The following SVIL variants were observed in gnomAD, a reference collection of about 807,000 sequenced individuals.
SVIL encodes the protein supervillin, also known as archvillin.
A neutral mutation model predicts 240.4 loss-of-function variants in SVIL; 101 were observed. The observed-to-expected ratio is 0.42, with a 90% CI of 0.36 to 0.50. SVIL has a LOEUF of 0.50. SVIL is among the 20% of genes least tolerant of loss of function. SVIL has a pLI of 0.01. For synonymous variants in SVIL, 999 were observed against 1,100.0 expected, an observed-to-expected ratio of 0.91 and a Z score of 1.82; for missense variants, 2,512 against 2,818.7, an observed-to-expected ratio of 0.89 and a Z score of 2.46.
intron 1 of SVIL, chr10:29,576,088 T>C: frequency 4.1e-6 from 4 of 985,274 alleles, no homozygotes; most frequent in Non-Finnish European, 4.8e-6. Context: ...ATGAGCAATC[T>C]GGTACCTGAC....
intron 1 of SVIL, among the ~76,000 whole-genome samples, chr10:29,690,315 T>C (rs1045715508): frequency 6.6e-6 from 1 of 152,190 alleles, no homozygotes; most frequent in African/African-American, 2.4e-5. Context: ...CAGTTAATTT[T>C]TTTCATGATA....
chr10:29,504,651 T>C (rs1446387915), intron 17 of SVIL, among the ~76,000 whole-genome samples: 1 of 152,206 alleles, frequency 6.6e-6, no homozygotes, highest in Non-Finnish European at 1.5e-5. Flanking sequence ...AAGGTGACAT[T>C]ATTACACATC....
At chr10:29,527,419 A>G (rs1364973651) in intron 12 of SVIL, among the ~76,000 whole-genome samples, 2 of 152,020 alleles carry the variant, frequency 1.3e-5, no homozygotes, top group Non-Finnish European at 2.9e-5. Context: ...TTTCCAATCT[A>G]ATTTTTTTCT....
rs895806831 is a variant in SVIL, at chr10:29,530,580, C to G, written c.2106+27G>C. 1.1e-5 allele frequency: 18 copies of G among 1,613,796 alleles called. No individual in the cohort carries two copies. The East Asian group carries it at 4.0e-4, about 36-fold the overall frequency. ...GGATTACTGCACCCAGTAGGGATCT[C>G]TATTCAAGCACGTCAGCACAGCTTA... On this transcript the variant is annotated intron_variant, in intron 11 of 37. Transcript: ENST00000355867.
chr10:29,662,690 T>C (rs1480225276), intron 2 of SVIL, among the ~76,000 whole-genome samples: 1 of 152,148 alleles, frequency 6.6e-6, no homozygotes, highest in Non-Finnish European at 1.5e-5. Context: ...GACTGTCACA[T>C]GTGTGAGGCA....
chr10:29,553,688 A>G (rs1418612357), intron 5 of SVIL, among the ~76,000 whole-genome samples: 1 of 152,224 alleles, frequency 6.6e-6, no homozygotes, highest in East Asian at 1.9e-4. Context: ...CTCCTCTCCT[A>G]AGGTCAAGTT....
chr10:29,686,658 G>A (rs538397571), intron 1 of SVIL: 4 of 152,258 alleles, frequency 2.6e-5, no homozygotes, highest in African/African-American at 7.2e-5. Flanking sequence ...GAATCTGGGG[G>A]AGAAAAGTTT....
In SVIL at chr10:29,590,253, A is replaced by G. The variant is rs577745332; in HGVS notation, c.-200-20941T>C. Reference sequence around the variant, plus strand: ...TGGGACTCTCTCCTTAATAATAAAGATATTACCAGACCTCCTGTCCCGTGG... The same window carrying G: ...TGGGACTCTCTCCTTAATAATAAAGGTATTACCAGACCTCCTGTCCCGTGG... On this transcript the variant is annotated intron_variant, in intron 1 of 37. Transcript: ENST00000355867. 2.6e-3 allele frequency among the ~76,000 whole-genome samples: 389 copies of G among 151,142 alleles called. 2 individuals are homozygous for G. Among genetic ancestry groups the G allele is most frequent in the Admixed American group, 4.0e-3 (60 of 15,180 alleles).
chr10:29,694,651 G>T (rs888315684), intron 1 of SVIL, among the ~76,000 whole-genome samples: 3 of 152,076 alleles, frequency 2.0e-5, no homozygotes, highest in African/African-American at 7.2e-5. Context: ...GTAGAGAAAA[G>T]GTTTTGCTAT....
intron 2 of SVIL, among the ~76,000 whole-genome samples, chr10:29,683,843 T>C (rs1218221503): frequency 6.6e-6 from 1 of 152,142 alleles, no homozygotes; most frequent in East Asian, 1.9e-4. Flanking sequence ...CCCTCTGTGC[T>C]GCACTTCACC....
intron 3 of SVIL, chr10:29,643,914 G>C (rs1195809753): frequency 2.0e-6 from 1 of 499,900 alleles, no homozygotes; most frequent in East Asian, 5.7e-5. Context: ...GAACTTGCCA[G>C]GGGTGAGCCT....
At chr10:29,717,130 G>A (rs1484110461) in intron 1 of SVIL, among the ~76,000 whole-genome samples, 1 of 150,982 alleles carries the variant, frequency 6.6e-6, no homozygotes, top group African/African-American at 2.4e-5. Context: ...CTACTCGGGA[G>A]GCTGAGGCAG....
At chr10:29,635,798 A>T (rs549487437), upstream of SVIL, among the ~76,000 whole-genome samples, 27 of 152,294 alleles carry the variant, frequency 1.8e-4, no homozygotes, top group Non-Finnish European at 3.7e-4. Flanking sequence ...AATTGTCTGC[A>T]CCAACTTCAG....
At chr10:29,630,574 A>G (rs1958046157) in intron 1 of SVIL, among the ~76,000 whole-genome samples, 1 of 152,156 alleles carries the variant, frequency 6.6e-6, no homozygotes, top group Admixed American at 6.5e-5. Context: ...AAATTGCACC[A>G]CTAGATGAGT....
chr10:29,563,133 T>A (rs562341201), intron 3 of SVIL, 68 bp downstream of exon 3: 2 of 469,140 alleles, frequency 4.3e-6, no homozygotes, highest in East Asian at 3.1e-4. Flanking sequence ...AGAGTTCTGC[T>A]CAAGGAAATT....
intron 1 of SVIL, among the ~76,000 whole-genome samples, chr10:29,624,634 G>C (rs1174523276): frequency 2.0e-5 from 3 of 151,962 alleles, no homozygotes; most frequent in Non-Finnish European, 4.4e-5. Flanking sequence ...ACCTGCCTTA[G>C]GTTACTGTTT....
In SVIL at chr10:29,554,921, C is replaced by T. The variant is rs1246648122; in HGVS notation, c.22G>A (p.Ala8Thr). Residue 8 changes from alanine to threonine, a missense_variant, in exon 5 of 38, where the codon GCC (alanine) becomes ACC (threonine). By Grantham distance (58) the Ala-to-Thr change is moderately conservative (BLOSUM62 0). Coordinates refer to ENST00000355867, the MANE Select transcript of SVIL (RefSeq NM_021738.3). The stretch of plus-strand genomic sequence containing the variant: ...TTTTCAATCCCTTCCAGGCGCCTGG[C>T]AATTCTTTCTTTTCTGTGAAATACA... MKRKERI[A>T]RRLEGIENDT... 3.7e-6 allele frequency: 6 copies of T among 1,610,944 alleles called. No individual in the cohort carries two copies. The highest frequency in any genetic ancestry group is 5.1e-6 in the Non-Finnish European group (6 of 1,178,694).
chr10:29,573,537 ATTATTT>A (rs1383722625), intron 1 of SVIL, among the ~76,000 whole-genome samples: 2 of 152,102 alleles, frequency 1.3e-5, no homozygotes, highest in Non-Finnish European at 2.9e-5. Flanking sequence ...ATAATGAATT[ATTATTT>A]TTAATTTTTC....
chr10:29,497,553 A>G (rs1948540487), intron 18 of SVIL, among the ~76,000 whole-genome samples: 1 of 152,226 alleles, frequency 6.6e-6, no homozygotes, highest in Non-Finnish European at 1.5e-5. Context: ...AATCAGTTCC[A>G]AGAGCTCAGC....
Sources: gnomAD v4.1 joint callset for allele counts (sites outside exome capture counted in the v4.1 genomes callset) on GRCh38, gnomAD v4.1.1 for gene constraint, MANE v1.5 for transcripts, NCBI Gene and HGNC (gene_info 2026-07-23, HGNC 2026-07-21) for gene names.